SYT11: variants seen among roughly 807,000 people sequenced by gnomAD.
SYT11 encodes the protein synaptotagmin-11.
A neutral mutation model predicts 30.4 loss-of-function variants in SYT11; 12 were observed. That is an observed-to-expected ratio of 0.39 (90% CI 0.25 to 0.64). SYT11 has a LOEUF of 0.64. Among genes scored for constraint, SYT11 ranks in the 30% least tolerant of loss-of-function variants. SYT11 has a pLI of 0.45. For missense variants in SYT11, 412 were observed against 552.0 expected (o/e 0.75, Z 2.54); for synonymous variants, 204 against 216.0 (o/e 0.94, Z 0.49).
At chr1:155,875,442 C>T (rs1443395591) in intron 2 of SYT11, among the ~76,000 whole-genome samples, 5 of 151,174 alleles carry the variant, frequency 3.3e-5, no homozygotes, top group African/African-American at 7.3e-5. Flanking sequence ...CTCACTCTGT[C>T]GCCCAGGCTG....
intron 2 of SYT11, among the ~76,000 whole-genome samples, chr1:155,869,370 A>C (rs1672747141): frequency 6.9e-6 from 1 of 143,904 alleles, no homozygotes; most frequent in Admixed American, 7.8e-5. Flanking sequence ...GCCCAGGTTC[A>C]AGCTATTCTC....
rs574258732 is a variant in SYT11 at position 155,881,226 on chromosome 1, C to T, written c.1014C>T (p.Tyr338=). ...GNPYVKVNVY[Y]GRKRIAKKKT... is the part of the protein sequence containing the mutation. ...CTTATGTCAAGGTGAACGTCTACTACGGCAGAAAGCGCATTGCCAAGAAGA... is the reference window on the plus strand; with the variant it reads ...CTTATGTCAAGGTGAACGTCTACTATGGCAGAAAGCGCATTGCCAAGAAGA... Residue 338 remains tyrosine, a synonymous_variant, in exon 4 of 4, where the codon TAC becomes TAT. Transcript: ENST00000368324. 1.8e-5 allele frequency: 29 copies of T among 1,614,014 alleles called. 1 individual carries two copies. The East Asian group carries it at 2.9e-4, about 16-fold the overall frequency.
intron 2 of SYT11, among the ~76,000 whole-genome samples, chr1:155,875,534 G>T (rs1571978336): frequency 6.6e-6 from 1 of 151,960 alleles, no homozygotes; most frequent in East Asian, 1.9e-4. Flanking sequence ...CTCCTGAGTA[G>T]CTGGGATTAC....
chr1:155,867,894 A>G, intron 1 of SYT11, 71 bp from the exon 2 acceptor site: 4 of 1,157,860 alleles, frequency 3.5e-6, no homozygotes, highest in Non-Finnish European at 4.9e-6. Flanking sequence ...CAGCAGTGGC[A>G]ATGAGCAGGG....
chr1:155,859,641 C>A lies in SYT11; in HGVS notation c.-121C>A, dbSNP rs547632088. The stretch of plus-strand genomic sequence containing the variant: ...GCCGGACCGTCGCAGGAGGCGTCCG[C>A]TGGATACCTTCCCCCTTCCCTGACC... On this transcript the variant is annotated 5_prime_UTR_variant, in exon 1 of 4. The change creates a new upstream start codon in the 5' untranslated region. Coordinates refer to ENST00000368324, the MANE Select transcript of SYT11 (RefSeq NM_152280.5). 3.1e-6 allele frequency: 3 copies of A among 956,282 alleles called. No individual in the cohort carries two copies. The highest frequency in any genetic ancestry group is 5.1e-6 in the Non-Finnish European group (3 of 591,348). 59.2% of individuals were successfully genotyped at this position (956,282 alleles called of 1,614,324 possible).
chr1:155,868,867 A>AG lies in SYT11; in HGVS notation c.861+80dup. Reference sequence around the variant, plus strand: ...ATCTCAGGGGATAAATGGAAGTGGGAGGGGAGTGGGTTGGGTGGCAAAGAA... The same window carrying AG: ...ATCTCAGGGGATAAATGGAAGTGGGAGGGGGAGTGGGTTGGGTGGCAAAGAA... On this transcript the variant is annotated intron_variant, in intron 2 of 3. Coordinates refer to ENST00000368324, the MANE Select transcript of SYT11 (RefSeq NM_152280.5). The surrounding 1 kb of genome is among the most constrained non-coding windows in gnomAD (Gnocchi z 4.7). 7.1e-7 allele frequency: 1 copy of AG among 1,412,880 alleles called. No homozygotes were observed. Among genetic ancestry groups the AG allele is most frequent in the South Asian group, 1.4e-5 (1 of 74,032 alleles). 87.5% of individuals were successfully genotyped at this position (1,412,880 alleles called of 1,614,324 possible). A position where few individuals can be genotyped will look rare whatever the true frequency, so the allele number is the denominator to read the frequency against.
intron 2 of SYT11, among the ~76,000 whole-genome samples, chr1:155,877,060 C>T (rs1008085278): frequency 3.3e-5 from 5 of 149,864 alleles, no homozygotes; most frequent in Non-Finnish European, 5.9e-5. Context: ...CTCTGCCTCC[C>T]GGGTTCACGC....
chr1:155,869,920 T>C (rs1434750078), intron 2 of SYT11, among the ~76,000 whole-genome samples: 3 of 152,212 alleles, frequency 2.0e-5, no homozygotes. Flanking sequence ...AGCTTACCAC[T>C]TGCCAGCCGT....
intron 2 of SYT11, among the ~76,000 whole-genome samples, chr1:155,879,254 T>C (rs1377293008): frequency 1.3e-5 from 2 of 151,684 alleles, no homozygotes; most frequent in East Asian, 1.9e-4. Context: ...CTGTCTTTAC[T>C]AAGAATACAA....
At chr1:155,876,012 G>A (rs986487345) in intron 2 of SYT11, among the ~76,000 whole-genome samples, 1 of 152,138 alleles carries the variant, frequency 6.6e-6, no homozygotes, top group African/African-American at 2.4e-5. Context: ...CTAGCAGAGA[G>A]TGCCTGGCAC....
At chr1:155,867,687 G>A (rs917332781) in intron 1 of SYT11, among the ~76,000 whole-genome samples, 3 of 152,182 alleles carry the variant, frequency 2.0e-5, no homozygotes, top group African/African-American at 7.2e-5. Context: ...AAGTCTATAA[G>A]TGCTGAGAGA....
chr1:155,868,105 C>T lies in SYT11; in HGVS notation c.175C>T (p.Leu59Phe). ...CCCACCATACAAGTTTATTCACATG[C>T]TCAAAGGCATCAGCATATACCCAGA... ...KNPPYKFIHM[L>F]KGISIYPETL... The change falls in exon 2 of 4, where the codon CTC becomes TTC. Residue 59 changes from leucine to phenylalanine, a missense_variant. Coordinates refer to ENST00000368324, the MANE Select transcript of SYT11 (RefSeq NM_152280.5). The surrounding 1 kb of genome is among the most constrained non-coding windows in gnomAD (Gnocchi z 4.7). 1 of 1,614,098 alleles carries T rather than the reference C, an allele frequency of 6.2e-7. No individual in the cohort carries two copies. The highest frequency in any genetic ancestry group is 8.5e-7 in the Non-Finnish European group (1 of 1,180,018).
At chr1:155,871,977 A>C (rs751078389) in intron 2 of SYT11, among the ~76,000 whole-genome samples, 20 of 152,096 alleles carry the variant, frequency 1.3e-4, no homozygotes, top group Non-Finnish European at 1.9e-4. Flanking sequence ...ACCATGCCAC[A>C]CTGGCTGTAA....
rs1672571125 is a variant in SYT11 at position 155,860,831 on chromosome 1, T to A, written c.34+1036T>A. The stretch of plus-strand genomic sequence containing the variant: ...CCTCTTTGGGGACTCCTGCAGTATA[T>A]GCTAAAGGAGCAAACTTCCTGTGTT... On this transcript the variant is annotated intron_variant, in intron 1 of 3. Coordinates refer to ENST00000368324, the MANE Select transcript of SYT11 (RefSeq NM_152280.5). The surrounding 1 kb of genome is among the most constrained non-coding windows in gnomAD (Gnocchi z 4.1). 6.6e-6 allele frequency among the ~76,000 whole-genome samples: 1 copy of A among 152,198 alleles called. No individual in the cohort carries two copies. The highest frequency in any genetic ancestry group is 1.5e-5 in the Non-Finnish European group (1 of 68,030).
intron 1 of SYT11, among the ~76,000 whole-genome samples, chr1:155,865,279 G>C (rs1672650966): frequency 6.6e-6 from 1 of 152,206 alleles, no homozygotes; most frequent in South Asian, 2.1e-4. Context: ...CCCTCATCCA[G>C]TGAGGTTCGG....
At chr1:155,870,774 G>A (rs1672768968) in intron 2 of SYT11, among the ~76,000 whole-genome samples, 1 of 152,182 alleles carries the variant, frequency 6.6e-6, no homozygotes, top group African/African-American at 2.4e-5. Flanking sequence ...TTGTGTGTGT[G>A]TATTCTTGCC....
intron 2 of SYT11, among the ~76,000 whole-genome samples, chr1:155,870,584 T>C (rs1202443278): frequency 6.6e-6 from 1 of 152,234 alleles, no homozygotes; most frequent in Non-Finnish European, 1.5e-5. Context: ...TATTTCTTGA[T>C]ACCTTTTTTA....
chr1:155,866,786 A>G (rs1444717208), intron 1 of SYT11, among the ~76,000 whole-genome samples: 1 of 151,998 alleles, frequency 6.6e-6, no homozygotes, highest in African/African-American at 2.4e-5. Context: ...GAGATCTGAC[A>G]TTTTCCACTA....
chr1:155,879,507 G>T (rs1248760938), intron 2 of SYT11, among the ~76,000 whole-genome samples: 1 of 152,180 alleles, frequency 6.6e-6, no homozygotes, highest in Non-Finnish European at 1.5e-5. Context: ...AAAGATCAGG[G>T]TGCTGGGGAG....
Sources: allele counts gnomAD v4.1 joint callset (sites outside exome capture counted in the v4.1 genomes callset), GRCh38; gene constraint gnomAD v4.1.1; non-coding constraint Gnocchi (gnomAD v3.1); transcripts MANE v1.5; gene names NCBI Gene and HGNC (gene_info 2026-07-23, HGNC 2026-07-21).